Variants in GRM7 observed in about 807,000 individuals in gnomAD.
GRM7 encodes the protein glutamate metabotropic receptor 7.
A neutral mutation model predicts 84.5 loss-of-function variants in GRM7; 35 were observed. The observed-to-expected ratio is 0.41, with a 90% CI of 0.32 to 0.55. The LOEUF (loss-of-function observed/expected upper bound fraction) is 0.55, where lower values mean the gene tolerates loss of function less well. GRM7 is among the 20% of genes least tolerant of loss of function. GRM7 has a pLI of 0.19. For missense variants in GRM7, 1,003 were observed against 1,194.6 expected, an observed-to-expected ratio of 0.84 and a Z score of 2.36; for synonymous variants, 487 against 455.1, an observed-to-expected ratio of 1.07 and a Z score of -0.89.
intron 1 of GRM7, among the ~76,000 whole-genome samples, chr3:6,903,807 T>C (rs1355003345): frequency 6.6e-6 from 1 of 152,174 alleles, no homozygotes; most frequent in Non-Finnish European, 1.5e-5. Context: ...TTTTAACTCT[T>C]GGAAATCTGG....
intron 1 of GRM7, among the ~76,000 whole-genome samples, chr3:7,098,627 A>G (rs992417043): frequency 3.9e-5 from 6 of 152,014 alleles, no homozygotes; most frequent in African/African-American, 1.4e-4. Context: ...TTTGTCCTTA[A>G]TATTTTATTT....
At chr3:7,128,227 T>C (rs905289199) in intron 1 of GRM7, among the ~76,000 whole-genome samples, 3 of 151,992 alleles carry the variant, frequency 2.0e-5, no homozygotes, top group Non-Finnish European at 4.4e-5. Context: ...TAGCCATTCA[T>C]TGTAAAAAAT....
At chr3:7,521,631 T>G (rs1260057756) in intron 7 of GRM7, among the ~76,000 whole-genome samples, 1 of 152,176 alleles carries the variant, frequency 6.6e-6, no homozygotes, top group African/African-American at 2.4e-5. Context: ...ATGGCAGCTC[T>G]AATGGACTAA....
At chr3:6,923,223 C>A (rs1575018946) in intron 1 of GRM7, among the ~76,000 whole-genome samples, 1 of 151,948 alleles carries the variant, frequency 6.6e-6, no homozygotes, top group East Asian at 1.9e-4. Flanking sequence ...CTATGTTGGC[C>A]AGGCTGGTCT....
chr3:7,042,519 C>A (rs928567071), intron 1 of GRM7, among the ~76,000 whole-genome samples: 1 of 151,738 alleles, frequency 6.6e-6, no homozygotes, highest in Non-Finnish European at 1.5e-5. Context: ...GTTTTCCCCC[C>A]ATTCTTTCTT....
At chr3:7,214,164 C>T (rs1696524806) in intron 2 of GRM7, among the ~76,000 whole-genome samples, 1 of 149,534 alleles carries the variant, frequency 6.7e-6, no homozygotes, top group Non-Finnish European at 1.5e-5. Flanking sequence ...GATAAGAACT[C>T]ATAAATGAAG....
At chr3:7,656,495 C>CA (rs1699184923) in intron 8 of GRM7, among the ~76,000 whole-genome samples, 1 of 129,740 alleles carries the variant, frequency 7.7e-6, no homozygotes, top group Admixed American at 8.3e-5. Flanking sequence ...GACTCTGTCT[C>CA]AAAAAACAAA....
intron 7 of GRM7, among the ~76,000 whole-genome samples, chr3:7,511,150 C>T (rs1372290592): frequency 6.6e-6 from 1 of 152,156 alleles, no homozygotes; most frequent in African/African-American, 2.4e-5. Context: ...TCATTCAACT[C>T]AGTTTCCAAA....
intron 5 of GRM7, among the ~76,000 whole-genome samples, chr3:7,421,630 C>T (rs1186870380): frequency 2.0e-5 from 3 of 151,846 alleles, no homozygotes; most frequent in Admixed American, 2.0e-4. Flanking sequence ...AATCCATCTT[C>T]AGGAATGCAC....
intron 1 of GRM7, among the ~76,000 whole-genome samples, chr3:7,053,839 T>C (rs1697104102): frequency 6.6e-6 from 1 of 151,432 alleles, no homozygotes; most frequent in Non-Finnish European, 1.5e-5. Context: ...TTATGGTTAT[T>C]ATAGGCCCTT....
chr3:7,682,571 C>CA (rs753919806), intron 9 of GRM7, among the ~76,000 whole-genome samples: 7,332 of 46,240 alleles, frequency 0.16, 205 homozygotes, highest in African/African-American at 0.19. Flanking sequence ...CACACACACA[C>CA]ATTTAACTAG....
At chr3:6,904,421 C>T (rs896682496) in intron 1 of GRM7, among the ~76,000 whole-genome samples, 2 of 152,086 alleles carry the variant, frequency 1.3e-5, no homozygotes, top group Non-Finnish European at 2.9e-5. Context: ...GTTTTCTCAC[C>T]TGTAAAGTAG....
chr3:7,443,424 A>AT (rs909513966), intron 5 of GRM7, among the ~76,000 whole-genome samples: 8 of 150,760 alleles, frequency 5.3e-5, no homozygotes, highest in South Asian at 2.1e-4. Flanking sequence ...TCTTTATAAA[A>AT]TTTTTTTTTT....
chr3:7,108,067 A>C (rs1692715075), intron 1 of GRM7, among the ~76,000 whole-genome samples: 1 of 152,070 alleles, frequency 6.6e-6, no homozygotes, highest in Non-Finnish European at 1.5e-5. Flanking sequence ...TCACTGTACC[A>C]AGCAATGGGG....
At chr3:7,127,773 C>CT (rs1424446065) in intron 1 of GRM7, among the ~76,000 whole-genome samples, 3 of 152,040 alleles carry the variant, frequency 2.0e-5, no homozygotes, top group Non-Finnish European at 2.9e-5. Context: ...GATATTTTGC[C>CT]TTTTTTTGTT....
intron 8 of GRM7, among the ~76,000 whole-genome samples, chr3:7,624,513 T>C (rs777994863): frequency 1.3e-5 from 2 of 152,108 alleles, no homozygotes; most frequent in Non-Finnish European, 2.9e-5. Flanking sequence ...ACAAAACCCA[T>C]ATATTGCTTC....
Position 7,463,565 on chromosome 3 carries a change from A to G in GRM7, c.1515+1843A>G, listed in dbSNP as rs150316511. Among the ~76,000 whole-genome samples the G allele has an allele frequency of 8.4e-4, 128 of 152,292 alleles. 1 individual carries two copies. The South Asian group carries it at 0.014, about 17-fold the overall frequency. ...ACAATTCAGCATCTAGGATGGAGTT[A>G]CATGGTACTCAGCAAACAGATATGT... On this transcript the variant is annotated intron_variant, in intron 7 of 9. Transcript: ENST00000357716.
chr3:7,253,455 A>G (rs1048272531), intron 2 of GRM7, among the ~76,000 whole-genome samples: 13 of 151,938 alleles, frequency 8.6e-5, no homozygotes, highest in African/African-American at 2.9e-4. Flanking sequence ...TCTCTACTAA[A>G]AATACAAAAA....
intron 2 of GRM7, among the ~76,000 whole-genome samples, chr3:7,211,919 C>G (rs1242490429): frequency 6.6e-6 from 1 of 151,946 alleles, no homozygotes; most frequent in Non-Finnish European, 1.5e-5. Flanking sequence ...CTTCAGTCAC[C>G]CTAGCTCCGT....
Sources: allele counts gnomAD v4.1 joint callset (sites outside exome capture counted in the v4.1 genomes callset), GRCh38; gene constraint gnomAD v4.1.1; transcripts MANE v1.5; gene names NCBI Gene and HGNC (gene_info 2026-07-23, HGNC 2026-07-21).